IMMP2L: variants seen among roughly 807,000 people sequenced by gnomAD.
IMMP2L encodes the protein mitochondrial inner membrane protease subunit 2.
Under a neutral mutation model 19.3 loss-of-function variants are expected in IMMP2L, and 18 were observed. That is an observed-to-expected ratio of 0.93 (90% confidence interval 0.64 to 1.38). The LOEUF (loss-of-function observed/expected upper bound fraction) is 1.38. Ranked by LOEUF, IMMP2L falls within the 40% of genes most tolerant of loss-of-function variation. The pLI is 0.00. For synonymous variants in IMMP2L, 76 were observed against 73.0 expected, an observed-to-expected ratio of 1.04 and a Z score of -0.21; for missense variants, 233 against 218.2, an observed-to-expected ratio of 1.07 and a Z score of -0.43.
At chr7:110,857,703 A>C (rs1563029626) in intron 5 of IMMP2L, among the ~76,000 whole-genome samples, 1 of 152,036 alleles carries the variant, frequency 6.6e-6, no homozygotes, top group Non-Finnish European at 1.5e-5. Context: ...GTCAGTCCTG[A>C]GGCACTTGAG....
intron 3 of IMMP2L, among the ~76,000 whole-genome samples, chr7:111,380,811 A>G (rs1831126042): frequency 6.6e-6 from 1 of 152,052 alleles, no homozygotes; most frequent in African/African-American, 2.4e-5. Context: ...ATCATCAGAC[A>G]TTGTAAAAAG....
intron 3 of IMMP2L, among the ~76,000 whole-genome samples, chr7:111,089,364 T>C (rs1408020530): frequency 6.6e-6 from 1 of 152,086 alleles, no homozygotes; most frequent in Non-Finnish European, 1.5e-5. Context: ...TCAATACCAA[T>C]CAATGAAAAT....
intron 5 of IMMP2L, among the ~76,000 whole-genome samples, chr7:110,858,455 G>T (rs747091406): frequency 6.6e-6 from 1 of 151,998 alleles, no homozygotes; most frequent in Non-Finnish European, 1.5e-5. Flanking sequence ...AACTAACCAC[G>T]TACCAGTTTG....
At chr7:111,310,247 T>A (rs929462234) in intron 3 of IMMP2L, among the ~76,000 whole-genome samples, 77 of 140,444 alleles carry the variant, frequency 5.5e-4, no homozygotes, top group African/African-American at 1.9e-3. Context: ...AAAAAAAAAA[T>A]CTAAGACTTT....
At chr7:110,829,563 G>A (rs980658208) in intron 5 of IMMP2L, among the ~76,000 whole-genome samples, 2 of 151,932 alleles carry the variant, frequency 1.3e-5, no homozygotes, top group Non-Finnish European at 2.9e-5. Context: ...CCATTTCATT[G>A]GTTTCAGATA....
intron 3 of IMMP2L, among the ~76,000 whole-genome samples, chr7:111,480,452 T>C (rs905844748): frequency 7.2e-5 from 11 of 151,914 alleles, no homozygotes; most frequent in African/African-American, 2.7e-4. Context: ...ATAATAAGAA[T>C]AATAATACCT....
At chr7:111,451,707 T>A (rs1585162658) in intron 3 of IMMP2L, among the ~76,000 whole-genome samples, 6 of 118,346 alleles carry the variant, frequency 5.1e-5, no homozygotes, top group African/African-American at 3.3e-5. Context: ...AAACTTAAAG[T>A]ATAATTAAAA....
At chr7:111,155,248 G>A (rs1473229001) in intron 3 of IMMP2L, among the ~76,000 whole-genome samples, 16 of 152,110 alleles carry the variant, frequency 1.1e-4, no homozygotes, top group Admixed American at 9.8e-4. Flanking sequence ...GCAGTAGTGT[G>A]TGTCGTTACT....
intron 3 of IMMP2L, among the ~76,000 whole-genome samples, chr7:111,037,752 C>T (rs1563182668): frequency 6.6e-6 from 1 of 152,086 alleles, no homozygotes; most frequent in Non-Finnish European, 1.5e-5. Flanking sequence ...ATAAAGCAAA[C>T]TTTACTAGAA....
In IMMP2L at chr7:110,931,532, C is replaced by G. The variant is rs75652973; in HGVS notation, c.305+31968G>C. 6.7e-3 allele frequency among the ~76,000 whole-genome samples: 1,021 copies of G among 152,210 alleles called. 12 individuals are homozygous for G. Among genetic ancestry groups the G allele is most frequent in the African/African-American group, 0.023 (957 of 41,508 alleles). On this transcript the variant is annotated intron_variant, in intron 4 of 5. Transcript: ENST00000405709. ...TTTACTTCAGCCCGTATGTCTAATCCTCAGCTAATCTTGACGTGTTCTTCA... is the reference window on the plus strand; with the variant it reads ...TTTACTTCAGCCCGTATGTCTAATCGTCAGCTAATCTTGACGTGTTCTTCA...
chr7:111,413,852 G>A lies in IMMP2L; in HGVS notation c.239+73386C>T, dbSNP rs566296184. ...GAGGGTGCTGGAGAGAACAATGCAAGATGAAGGAGCTTCTCTTTCTGCTTC... is the reference window on the plus strand; with the variant it reads ...GAGGGTGCTGGAGAGAACAATGCAAAATGAAGGAGCTTCTCTTTCTGCTTC... On this transcript the variant is annotated intron_variant, in intron 3 of 5. Coordinates refer to ENST00000405709, the MANE Select transcript of IMMP2L (RefSeq NM_032549.4). 7.2e-5 allele frequency among the ~76,000 whole-genome samples: 11 copies of A among 151,794 alleles called. 1 individual carries two copies. In the South Asian group the frequency reaches 2.3e-3, roughly 32 times the overall value.
intron 5 of IMMP2L, among the ~76,000 whole-genome samples, chr7:110,882,777 T>G (rs1809826800): frequency 6.6e-6 from 1 of 152,008 alleles, no homozygotes; most frequent in African/African-American, 2.4e-5. Context: ...TCTTTTGTTT[T>G]TTTTTTAACC....
intron 3 of IMMP2L, among the ~76,000 whole-genome samples, chr7:111,000,915 T>C (rs536443732): frequency 2.0e-5 from 3 of 152,030 alleles, no homozygotes; most frequent in African/African-American, 7.2e-5. Context: ...CACCAATATT[T>C]TGACATTCTT....
At chr7:110,963,225 AATAATGAT>A in intron 4 of IMMP2L, 1 of 671,570 alleles carries the variant, frequency 1.5e-6, no homozygotes, top group Non-Finnish European at 2.4e-6. Context: ...ATATCTGATC[AATAATGAT>A]TTAATGATCA....
rs1029843259 is a variant in IMMP2L at position 111,213,513 on chromosome 7, C to T, written c.240-249948G>A. ...GGCCTGAAGCCCTCCAGGGGCCAGGCTGCTGGTCGTGCAAACCAGAATGGG... is the reference window on the plus strand; with the variant it reads ...GGCCTGAAGCCCTCCAGGGGCCAGGTTGCTGGTCGTGCAAACCAGAATGGG... On this transcript the variant is annotated intron_variant, in intron 3 of 5. Coordinates refer to ENST00000405709, the MANE Select transcript of IMMP2L (RefSeq NM_032549.4). This position sits in a 1 kb window ranked among gnomAD's most constrained non-coding sequence, Gnocchi z 4.8. Among the ~76,000 whole-genome samples, 4 of 152,170 alleles carry T rather than the reference C, an allele frequency of 2.6e-5. No homozygotes were observed. The highest frequency in any genetic ancestry group is 9.6e-5 in the African/African-American group (4 of 41,460).
At position 111,524,684 on chromosome 7, in the gene IMMP2L, A is replaced by G. The variant is rs921812569; in HGVS notation, c.-2-3235T>C. Among the ~76,000 whole-genome samples the G allele has an allele frequency of 3.3e-5, 5 of 151,996 alleles. 1 individual carries two copies. Among genetic ancestry groups the G allele is most frequent in the Non-Finnish European group, 7.4e-5 (5 of 68,006 alleles). ...TTTATTACCTTCTGAAAATGAAAAC[A>G]GGGGAAAAGTTAGCAAAGAAATATC... is the stretch of plus-strand genomic sequence containing the variant. On this transcript the variant is annotated intron_variant, in intron 1 of 5. Coordinates refer to ENST00000405709, the MANE Select transcript of IMMP2L (RefSeq NM_032549.4).
chr7:110,939,095 G>A (rs1816427521), intron 4 of IMMP2L, among the ~76,000 whole-genome samples: 1 of 152,080 alleles, frequency 6.6e-6, no homozygotes, highest in Non-Finnish European at 1.5e-5. Flanking sequence ...GTAGAAGAAA[G>A]TATAGAGAAG....
At chr7:111,222,911 A>G (rs1343884271) in intron 3 of IMMP2L, among the ~76,000 whole-genome samples, 1 of 152,032 alleles carries the variant, frequency 6.6e-6, no homozygotes, top group East Asian at 1.9e-4. Flanking sequence ...GCAAGAATTG[A>G]AAAGAACCTA....
chr7:111,505,247 A>G (rs1288128068), intron 2 of IMMP2L, among the ~76,000 whole-genome samples: 6 of 151,480 alleles, frequency 4.0e-5, no homozygotes, highest in Non-Finnish European at 7.4e-5. Flanking sequence ...TGGCCATCAG[A>G]GAAATGCAAA....
Sources: allele counts gnomAD v4.1 joint callset (sites outside exome capture counted in the v4.1 genomes callset), GRCh38; gene constraint gnomAD v4.1.1; non-coding constraint Gnocchi (gnomAD v3.1); transcripts MANE v1.5; gene names NCBI Gene and HGNC (gene_info 2026-07-23, HGNC 2026-07-21).